EML6: variants seen among roughly 807,000 people sequenced by gnomAD.
The protein encoded by EML6 is echinoderm microtubule-associated protein-like 6.
EML6 carries 154 observed loss-of-function variants against 240.1 expected under a neutral mutation model. The observed-to-expected ratio is 0.64, with a 90% confidence interval of 0.56 to 0.73. The LOEUF (loss-of-function observed/expected upper bound fraction) is 0.73. Among genes scored for constraint, EML6 ranks in the 30% least tolerant of loss-of-function variants. The probability of loss-of-function intolerance (pLI) is 0.00; values close to 1 mark genes in which losing one functional copy is unlikely to be tolerated. For synonymous variants in EML6, 1,148 were observed against 899.0 expected, an observed-to-expected ratio of 1.28 and a Z score of -4.95; for missense variants, 2,964 against 2,474.6, an observed-to-expected ratio of 1.20 and a Z score of -4.20.
At chr2:54,919,083 T>C (rs1674081876) in intron 26 of EML6, among the ~76,000 whole-genome samples, 5 of 152,204 alleles carry the variant, frequency 3.3e-5, no homozygotes, top group Admixed American at 1.3e-4. Flanking sequence ...ATTATTTCTG[T>C]GGTCACGTTT....
chr2:54,833,796 A>T (rs1668994977), intron 7 of EML6, among the ~76,000 whole-genome samples: 1 of 152,218 alleles, frequency 6.6e-6, no homozygotes, highest in Non-Finnish European at 1.5e-5. Context: ...ACAAGATGAT[A>T]TAAACCAACA....
In EML6 at chr2:54,879,561, C is replaced by G; in HGVS notation, c.2359C>G (p.Leu787Val). ...ALDFSADGKC[L>V]VSVGLDDFHS... ...TTTTCATACAGCCGATGGAAAATGT[C>G]TGGTGTCGGTTGGTTTAGACGATTT... Residue 787 changes from leucine (L) to valine (V), a missense_variant, in exon 17 of 42, where the codon CTG becomes GTG. Coordinates refer to ENST00000356458, the MANE Select transcript of EML6 (RefSeq NM_001039753.4). The G allele has an allele frequency of 6.4e-7, 1 of 1,550,996 alleles. No homozygotes were observed. Among genetic ancestry groups the G allele is most frequent in the Non-Finnish European group, 8.7e-7 (1 of 1,146,354 alleles).
chr2:54,829,285 C>G, intron 6 of EML6, 57 bp from the exon 7 acceptor site: 1 of 1,479,842 alleles, frequency 6.8e-7, no homozygotes, highest in East Asian at 2.5e-5. Flanking sequence ...TCAACTGTAT[C>G]TATTCATTAT....
intron 25 of EML6, among the ~76,000 whole-genome samples, chr2:54,912,827 G>C (rs1399304397): frequency 6.6e-6 from 1 of 152,220 alleles, no homozygotes; most frequent in Non-Finnish European, 1.5e-5. Flanking sequence ...CATCTTGGTT[G>C]ATTCCATAGC....
intron 28 of EML6, among the ~76,000 whole-genome samples, chr2:54,946,089 C>A (rs4504034): frequency 0.92 from 140,167 of 152,098 alleles, 64,680 homozygotes; most frequent in Middle Eastern, 0.99. Context: ...TCCAGAGCTT[C>A]GGCCTGTGTG....
intron 28 of EML6, among the ~76,000 whole-genome samples, chr2:54,938,206 C>T (rs1476833979): frequency 6.6e-6 from 1 of 152,154 alleles, no homozygotes; most frequent in Non-Finnish European, 1.5e-5. Context: ...ATTAGCTAGG[C>T]ATGGTGGCGG....
chr2:54,791,627 T>C (rs1053484319), intron 2 of EML6, among the ~76,000 whole-genome samples: 1 of 152,156 alleles, frequency 6.6e-6, no homozygotes, highest in Non-Finnish European at 1.5e-5. Context: ...GCCACACCGG[T>C]ATCCCTTTTG....
chr2:54,904,549 G>T (rs569758517), intron 24 of EML6, among the ~76,000 whole-genome samples: 56 of 152,308 alleles, frequency 3.7e-4, no homozygotes, highest in African/African-American at 1.3e-3. Context: ...TATCAAGGAA[G>T]AGCCATTCCA....
chr2:54,966,758 G>T (rs1182850773), intron 38 of EML6: 2 of 277,576 alleles, frequency 7.2e-6, no homozygotes, highest in Non-Finnish European at 1.4e-5. Flanking sequence ...ACCACACTCA[G>T]AGAACCGCTA....
intron 2 of EML6, among the ~76,000 whole-genome samples, chr2:54,735,787 G>C (rs168508): frequency 0.26 from 40,191 of 152,204 alleles, 6,392 homozygotes; most frequent in East Asian, 0.57. Flanking sequence ...AAAATCTGTT[G>C]AAGTGTTTAT....
At chr2:54,947,509 C>A (rs1675750522) in intron 28 of EML6, among the ~76,000 whole-genome samples, 1 of 151,950 alleles carries the variant, frequency 6.6e-6, no homozygotes, top group Non-Finnish European at 1.5e-5. Context: ...CAAAAAGAAC[C>A]CCCGCAAGCC....
intron 7 of EML6, among the ~76,000 whole-genome samples, chr2:54,842,045 G>C (rs767857810): frequency 5.3e-5 from 8 of 152,042 alleles, no homozygotes; most frequent in Non-Finnish European, 8.8e-5. Context: ...TGGTACATTT[G>C]TTCCAGTGGG....
At chr2:54,816,943 T>C (rs2104079172) in intron 4 of EML6, 58 bp downstream of exon 4, 4 of 1,048,466 alleles carry the variant, frequency 3.8e-6, no homozygotes, top group South Asian at 2.7e-5. Flanking sequence ...ACTTGTGATA[T>C]CGCGTCTCAG....
chr2:54,765,107 T>A (rs1396962401), intron 2 of EML6, among the ~76,000 whole-genome samples: 1 of 152,194 alleles, frequency 6.6e-6, no homozygotes, highest in Non-Finnish European at 1.5e-5. Flanking sequence ...ATATCTTCCT[T>A]TGAGTGGAAA....
chr2:54,852,978 T>C (rs1573005011), intron 10 of EML6, among the ~76,000 whole-genome samples: 1 of 152,334 alleles, frequency 6.6e-6, no homozygotes, highest in South Asian at 2.1e-4. Flanking sequence ...AGCACAACGG[T>C]CGGGATTATT....
chr2:54,854,194 A>G (rs1354648926), intron 11 of EML6, among the ~76,000 whole-genome samples: 1 of 152,216 alleles, frequency 6.6e-6, no homozygotes, highest in East Asian at 1.9e-4. Context: ...AAATTCTTTT[A>G]TGATTCAGAG....
chr2:54,820,586 T>C (rs1668287006), intron 5 of EML6, 124 bp downstream of exon 5: 1 of 574,830 alleles, frequency 1.7e-6, no homozygotes, highest in Non-Finnish European at 3.0e-6. Context: ...TAGAGCCCTC[T>C]TACCTGTTTC....
chr2:54,807,899 C>T (rs116292159), intron 2 of EML6, among the ~76,000 whole-genome samples: 16 of 152,220 alleles, frequency 1.1e-4, no homozygotes, highest in African/African-American at 3.4e-4. Context: ...TTCTTTTATA[C>T]GAAGGTATTG....
chr2:54,730,561 ACT>A (rs767713811), intron 2 of EML6, among the ~76,000 whole-genome samples: 16 of 152,320 alleles, frequency 1.1e-4, no homozygotes, highest in Admixed American at 2.0e-4. Context: ...CTCATTTTAC[ACT>A]GAGAAATGGC....
Sources: allele counts gnomAD v4.1 joint callset (sites outside exome capture counted in the v4.1 genomes callset), GRCh38; gene constraint gnomAD v4.1.1; transcripts MANE v1.5; gene names NCBI Gene and HGNC (gene_info 2026-07-23, HGNC 2026-07-21).